LTF: variants seen among roughly 807,000 people sequenced by gnomAD.
The protein encoded by LTF is epididymis luminal protein 110.
In LTF, 91 loss-of-function variants were observed where a neutral mutation model predicts 87.2. The ratio of observed to expected loss-of-function variants is 1.04; its 90% CI spans 0.88 to 1.24. The LOEUF is 1.24. LTF is among the 50% of genes most tolerant of loss of function. The pLI, the probability that LTF is intolerant of heterozygous loss-of-function variation, is 0.00. For synonymous variants in LTF, 378 were observed against 356.1 expected (o/e 1.06, Z -0.69); for missense variants, 901 against 904.3 (o/e 1.00, Z 0.05).
At chr3:46,475,515 AACACACAC>A (rs59984149) in intron 1 of LTF, among the ~76,000 whole-genome samples, 7,115 of 130,934 alleles carry the variant, frequency 0.054, 467 homozygotes, top group East Asian at 0.18. Context: ...TCTCCCCCTA[AACACACAC>A]ACACACACAC....
chr3:46,455,302 C>T lies in LTF; in HGVS notation c.640G>A (p.Ala214Thr). 1 of 1,614,228 alleles carries T rather than the reference C, an allele frequency of 6.2e-7. No homozygotes were observed. Among genetic ancestry groups the T allele is most frequent in the Non-Finnish European group, 8.5e-7 (1 of 1,180,040 alleles). ...GGGGACAGGGTCACTCACTTGAAGG[C>T]ACCAGAGTAGCTGAAGTACGGTTCC... ...SQEPYFSYSG[A>T]FKCLRDGAGD... Residue 214 changes from alanine to threonine, a missense_variant, in exon 5 of 17, where the codon GCC becomes ACC. Coordinates refer to ENST00000231751, the MANE Select transcript of LTF (RefSeq NM_002343.6).
At chr3:46,456,479 C>T in intron 2 of LTF, 81 bp from the exon 3 acceptor site, 1 of 1,136,882 alleles carries the variant, frequency 8.8e-7, no homozygotes, top group Non-Finnish European at 1.3e-6. Context: ...CTCAAAAAGT[C>T]TCCATGGCTG....
intron 1 of LTF, chr3:46,460,510 CT>C (rs1703054052): frequency 1.1e-5 from 5 of 450,326 alleles, no homozygotes; most frequent in Middle Eastern, 6.7e-4. Context: ...TTTGAGCCTG[CT>C]TTTGTTGCTC....
chr3:46,435,784 C>A lies in LTF; in HGVS notation c.*411G>T. ...ACACACTCCCAGGCACATACATGCA[C>A]GTGCACTGAGACAGCTATGTGAATA... On this transcript the variant is annotated 3_prime_UTR_variant, in exon 17 of 17. Coordinates refer to ENST00000231751, the MANE Select transcript of LTF (RefSeq NM_002343.6). 1 of 247,112 alleles carries A rather than the reference C, an allele frequency of 4.0e-6. No homozygotes were observed. The highest frequency in any genetic ancestry group is 8.0e-6 in the Non-Finnish European group (1 of 125,534). The allele number at this position is 247,112 out of a possible 1,614,324, so 15.3% of individuals were successfully genotyped here.
Position 46,459,540 on chromosome 3 carries a change from C to T in LTF, c.207+116G>A. On this transcript the variant is annotated intron_variant, in intron 2 of 16. Coordinates refer to ENST00000231751, the MANE Select transcript of LTF (RefSeq NM_002343.6). The stretch of plus-strand genomic sequence containing the variant: ...CCCTGTGAGAGAGGACGGCTCCCCA[C>T]TTCGTTGCCCAACAGGTGAAGCAGA... The T allele has an allele frequency of 3.8e-6, 4 of 1,061,160 alleles. No homozygotes were observed. The East Asian group carries it at 1.2e-4, about 31-fold the overall frequency. 65.7% of individuals were successfully genotyped at this position (1,061,160 alleles called of 1,614,324 possible).
chr3:46,468,365 A>G, upstream of LTF: 1 of 456,248 alleles, frequency 2.2e-6, no homozygotes, highest in South Asian at 1.5e-5. Context: ...AGACAGTAAC[A>G]TGAGTTTAAG....
Position 46,435,974 on chromosome 3 carries a change from T to C in LTF, c.*221A>G. On this transcript the variant is annotated 3_prime_UTR_variant, in exon 17 of 17. Coordinates refer to ENST00000231751, the MANE Select transcript of LTF (RefSeq NM_002343.6). ...TTTTGTCAGGCATGTGATTTCAGTA[T>C]AAAATTCTAGAAAAGATGAGTGACA... 2 of 578,086 alleles carry C rather than the reference T, an allele frequency of 3.5e-6. No individual in the cohort carries two copies. The highest frequency in any genetic ancestry group is 2.0e-5 in the South Asian group (1 of 48,794). 35.8% of individuals were successfully genotyped at this position (578,086 alleles called of 1,614,324 possible).
rs145908484 is a variant in LTF, at chr3:46,456,312, C to A, written c.294G>T (p.Ala98=). 8 of 1,613,948 alleles carry A rather than the reference C, an allele frequency of 5.0e-6. No individual in the cohort carries two copies. The African/African-American group carries it at 1.1e-4, about 22-fold the overall frequency. The change falls in exon 3 of 17, where the codon GCG becomes GCT. Residue 98 remains alanine, a synonymous_variant. Coordinates refer to ENST00000231751, the MANE Select transcript of LTF (RefSeq NM_002343.6). Reference sequence around the variant, plus strand: ...CACGTCTTTCGGTCCCGTAGACTTCCGCCGCTACAGGTCGCAGTTTGTAGG... The same window carrying A: ...CACGTCTTTCGGTCCCGTAGACTTCAGCCGCTACAGGTCGCAGTTTGTAGG... ...LAPYKLRPVA[A]EVYGTERQPR...
chr3:46,471,058 G>A (rs1703276954), intron 1 of LTF, among the ~76,000 whole-genome samples: 1 of 152,214 alleles, frequency 6.6e-6, no homozygotes, highest in Admixed American at 6.5e-5. Flanking sequence ...GGGGCTGCAT[G>A]GACCCAGAGA....
At chr3:46,467,763 A>C (rs190299461), upstream of LTF, among the ~76,000 whole-genome samples, 16 of 145,442 alleles carry the variant, frequency 1.1e-4, no homozygotes, top group Admixed American at 4.2e-4. Context: ...CGATCCTCCC[A>C]CCTTGGCCTC....
At chr3:46,477,484 G>A (rs887133492) in intron 1 of LTF, among the ~76,000 whole-genome samples, 5 of 152,218 alleles carry the variant, frequency 3.3e-5, no homozygotes, top group African/African-American at 1.2e-4. Flanking sequence ...AAACATCGCA[G>A]GCAGGGGAGT....
chr3:46,462,304 CA>C (rs1022782736), intron 1 of LTF, among the ~76,000 whole-genome samples: 5 of 152,122 alleles, frequency 3.3e-5, no homozygotes, highest in African/African-American at 1.2e-4. Flanking sequence ...TAAAAGAGAA[CA>C]AATACCAAAC....
upstream of LTF, chr3:46,464,916 C>A (rs369504222): frequency 3.1e-6 from 5 of 1,597,166 alleles, no homozygotes; most frequent in African/African-American, 5.4e-5. Flanking sequence ...GCCACTTGCG[C>A]CTGCCCTGCG....
rs367747856 is a variant in LTF at position 46,459,719 on chromosome 3, C to T, written c.144G>A (p.Val48=). The change falls in exon 2 of 17, where the codon GTG becomes GTA. Residue 48 remains valine (V), a synonymous_variant. Transcript: ENST00000231751. ...TTATGCAGCTGACAGGAGGGCCACG[C>T]ACTTTTCTCATATTCCTTTGCCATT... ...CFQWQRNMRK[V]RGPPVSCIKR... The T allele has an allele frequency of 2.5e-6, 4 of 1,579,820 alleles. No individual in the cohort carries two copies. The African/African-American group carries it at 5.6e-5, about 22-fold the overall frequency.
At chr3:46,443,281 G>A (rs1331650114) in intron 13 of LTF, among the ~76,000 whole-genome samples, 160 bp downstream of exon 13, 2 of 152,208 alleles carry the variant, frequency 1.3e-5, no homozygotes, top group African/African-American at 2.4e-5. Flanking sequence ...GGCGGTGGGT[G>A]TGGTGGGGAC....
chr3:46,459,868 G>A lies in LTF; in HGVS notation c.44-49C>T, dbSNP rs199655290. On this transcript the variant is annotated intron_variant, in intron 1 of 16. Transcript: ENST00000231751. ...AAGGATTCAACCACTGACTGAGGGC[G>A]TGACCACCGCACCCTCTGATGGAGT... 2.3e-3 allele frequency: 3,261 copies of A among 1,396,482 alleles called. 4 individuals are homozygous for A. Among genetic ancestry groups the A allele is most frequent in the Non-Finnish European group, 2.6e-3 (2,748 of 1,059,028 alleles). The allele number at this position is 1,396,482 out of a possible 1,614,324, so 86.5% of individuals were successfully genotyped here. A position where few individuals can be genotyped will look rare whatever the true frequency, so the allele number is the denominator to read the frequency against.
At chr3:46,473,557 A>G (rs1703320255) in intron 1 of LTF, among the ~76,000 whole-genome samples, 1 of 152,218 alleles carries the variant, frequency 6.6e-6, no homozygotes, top group Admixed American at 6.5e-5. Flanking sequence ...GCAGTGAACT[A>G]AAGAATGTAG....
At chr3:46,480,433 T>C (rs1703417601) in intron 1 of LTF, among the ~76,000 whole-genome samples, 1 of 152,160 alleles carries the variant, frequency 6.6e-6, no homozygotes, top group African/African-American at 2.4e-5. Flanking sequence ...TGTCATGCCC[T>C]TGGCTGCAGG....
At chr3:46,445,541 A>G (rs1236399051) in intron 11 of LTF, 105 bp from the exon 12 acceptor site, 5 of 916,550 alleles carry the variant, frequency 5.5e-6, no homozygotes, top group Non-Finnish European at 6.6e-6. Flanking sequence ...GCCAAGAAGC[A>G]ACACCAGGCA....
Sources: allele counts gnomAD v4.1 joint callset (sites outside exome capture counted in the v4.1 genomes callset), GRCh38; gene constraint gnomAD v4.1.1; transcripts MANE v1.5; gene names NCBI Gene and HGNC (gene_info 2026-07-23, HGNC 2026-07-21).